FHAD1: variants seen among roughly 807,000 people sequenced by gnomAD.
FHAD1 encodes the protein forkhead associated phosphopeptide binding domain 1, also known as forkhead-associated domain-containing protein 1.
A neutral mutation model predicts 191.3 loss-of-function variants in FHAD1; 146 were observed. That is an observed-to-expected ratio of 0.76 (90% CI 0.67 to 0.88). The LOEUF (loss-of-function observed/expected upper bound fraction) is 0.88, where lower values mean the gene tolerates loss of function less well. FHAD1 is among the 40% of genes least tolerant of loss of function. FHAD1 has a pLI of 0.00. For synonymous variants in FHAD1, 616 were observed against 672.3 expected (o/e 0.92, Z 1.29); for missense variants, 1,635 against 1,785.8 (o/e 0.92, Z 1.52).
chr1:15,324,887 T>G (rs1677766958), intron 11 of FHAD1: 1 of 350,234 alleles, frequency 2.9e-6, no homozygotes, highest in Admixed American at 3.9e-5. Flanking sequence ...TCCTTAATGT[T>G]TTTAGTCCTG....
intron 3 of FHAD1, among the ~76,000 whole-genome samples, chr1:15,288,190 A>G (rs1202286819): frequency 6.6e-6 from 1 of 152,190 alleles, no homozygotes; most frequent in Non-Finnish European, 1.5e-5. Flanking sequence ...TCTAACAGGA[A>G]TAAGGAGAAC....
intron 6 of FHAD1, among the ~76,000 whole-genome samples, chr1:15,305,409 C>A (rs906986819): frequency 6.6e-6 from 1 of 152,142 alleles, no homozygotes; most frequent in Non-Finnish European, 1.5e-5. Flanking sequence ...GTTCCTAGAG[C>A]CACGTGGAAA....
intron 18 of FHAD1, among the ~76,000 whole-genome samples, chr1:15,348,743 T>G (rs56767519): frequency 0.029 from 4,448 of 152,220 alleles, 197 homozygotes; most frequent in African/African-American, 0.096. Flanking sequence ...TCAGGCTCAG[T>G]GCTTTCCTCT....
chr1:15,376,315 C>T (rs1262254503), intron 28 of FHAD1, among the ~76,000 whole-genome samples: 1 of 152,088 alleles, frequency 6.6e-6, no homozygotes, highest in Admixed American at 6.5e-5. Context: ...TGGTCTTGAT[C>T]TCCTGACCTC....
At chr1:15,384,093 C>G (rs537260682) in intron 31 of FHAD1, 20 of 172,318 alleles carry the variant, frequency 1.2e-4, no homozygotes, top group African/African-American at 4.5e-4. Flanking sequence ...CCTGCCTGAG[C>G]TCAGAGAGAG....
At chr1:15,255,033 AC>A (rs1647323352) in intron 2 of FHAD1, among the ~76,000 whole-genome samples, 1 of 151,954 alleles carries the variant, frequency 6.6e-6, no homozygotes, top group Non-Finnish European at 1.5e-5. Context: ...GCTAGAAGCC[AC>A]CCCGAGTAAT....
At chr1:15,359,038 G>A (rs539104928) in intron 21 of FHAD1, among the ~76,000 whole-genome samples, 12 of 152,152 alleles carry the variant, frequency 7.9e-5, no homozygotes, top group African/African-American at 2.7e-4. Flanking sequence ...ACCAAGGAGA[G>A]GACAGTGCCG....
chr1:15,335,039 G>A (rs1314795663), intron 14 of FHAD1, among the ~76,000 whole-genome samples: 2 of 152,150 alleles, frequency 1.3e-5, no homozygotes, highest in South Asian at 2.1e-4. Flanking sequence ...GATAAAACAC[G>A]CGTCACAAAC....
chr1:15,320,865 C>T (rs766897086), intron 10 of FHAD1, among the ~76,000 whole-genome samples: 1 of 152,090 alleles, frequency 6.6e-6, no homozygotes, highest in Non-Finnish European at 1.5e-5. Flanking sequence ...TTGCTCAGGG[C>T]CAGGTGTACT....
chr1:15,383,669 C>T (rs1397200324), intron 31 of FHAD1: 3 of 302,466 alleles, frequency 9.9e-6, no homozygotes, highest in Admixed American at 4.2e-5. Context: ...TTAGGCAAGT[C>T]AGGGAAAGAA....
chr1:15,277,836 G>C (rs1658985920), intron 3 of FHAD1, among the ~76,000 whole-genome samples: 1 of 152,248 alleles, frequency 6.6e-6, no homozygotes, highest in South Asian at 2.1e-4. Context: ...TTTTTTGATG[G>C]TGATGATAAT....
At chr1:15,281,760 C>CAAAAAAAA (rs35950054) in intron 3 of FHAD1, among the ~76,000 whole-genome samples, 2 of 64,434 alleles carry the variant, frequency 3.1e-5, no homozygotes, top group African/African-American at 1.2e-4. Flanking sequence ...GACACTGTCT[C>CAAAAAAAA]AAAAAAAAAA....
At chr1:15,277,405 C>T (rs2101503450) in intron 3 of FHAD1, among the ~76,000 whole-genome samples, 1 of 152,306 alleles carries the variant, frequency 6.6e-6, no homozygotes, top group Non-Finnish European at 1.5e-5. Context: ...TTTTGCCGGG[C>T]AGGAACACAT....
upstream of FHAD1, among the ~76,000 whole-genome samples, chr1:15,246,286 G>A (rs1458996914): frequency 1.3e-5 from 2 of 152,174 alleles, no homozygotes; most frequent in Non-Finnish European, 2.9e-5. Context: ...CCAACACGTG[G>A]GGAGTGCAAT....
intron 23 of FHAD1, 125 bp from the exon 24 acceptor site, chr1:15,365,702 T>A: frequency 1.6e-6 from 1 of 609,350 alleles, no homozygotes; most frequent in Non-Finnish European, 2.9e-6. Context: ...CATCCTTTGC[T>A]GGGACTGGCG....
chr1:15,399,455 A>ATT (rs968233866), downstream of FHAD1, among the ~76,000 whole-genome samples: 1 of 152,046 alleles, frequency 6.6e-6, no homozygotes, highest in Admixed American at 6.6e-5. Context: ...AGTCACCACT[A>ATT]TTTGGGAGGC....
chr1:15,375,716 A>C lies in FHAD1; in HGVS notation c.3691A>C (p.Ile1231Leu). 6.5e-7 allele frequency: 1 copy of C among 1,543,362 alleles called. No individual in the cohort carries two copies. The highest frequency in any genetic ancestry group is 2.4e-5 in the East Asian group (1 of 40,834). Reference sequence around the variant, plus strand: ...ACCGGATTTGCCAACTCTCTCAAGAATAGAGATCCTAGCGGTAACCAAAGA... The same window carrying C: ...ACCGGATTTGCCAACTCTCTCAAGACTAGAGATCCTAGCGGTAACCAAAGA... ...AKPDLPTLSR[I>L]EILAPQNGLC... Residue 1231 changes from isoleucine (I) to leucine (L), a missense_variant, in exon 28 of 34, where the codon ATA (isoleucine) becomes CTA (leucine). Physicochemically the swap from Ile to Leu is conservative, Grantham distance 5. Transcript: ENST00000688493.
At chr1:15,239,139 T>A (rs1645088464) in intron 1 of FHAD1, among the ~76,000 whole-genome samples, 1 of 152,196 alleles carries the variant, frequency 6.6e-6, no homozygotes, top group African/African-American at 2.4e-5. Context: ...ACTCCTGGGC[T>A]GACATGATCC....
intron 8 of FHAD1, chr1:15,315,304 AT>A (rs1001905279): frequency 1.3e-5 from 2 of 152,232 alleles, no homozygotes; most frequent in African/African-American, 2.4e-5. Context: ...CCTGGAAAAA[AT>A]ATATCTGTAA....
Sources: allele counts gnomAD v4.1 joint callset (sites outside exome capture counted in the v4.1 genomes callset), GRCh38; gene constraint gnomAD v4.1.1; transcripts MANE v1.5; gene names NCBI Gene and HGNC (gene_info 2026-07-23, HGNC 2026-07-21).